The following MYH8 variants were observed in gnomAD, a reference collection of about 807,000 sequenced individuals.
MYH8 encodes myosin heavy chain 8, also known as myosin-8.
In MYH8, 168 loss-of-function variants were observed where a neutral mutation model predicts 233.2. The observed-to-expected ratio is 0.72, with a 90% CI of 0.64 to 0.82. The LOEUF (loss-of-function observed/expected upper bound fraction) is 0.82. Ranked by LOEUF, MYH8 falls within the 40% of genes least tolerant of loss-of-function variation. MYH8 has a pLI of 0.00. For missense variants in MYH8, 1,995 were observed against 2,327.8 expected, an observed-to-expected ratio of 0.86 and a Z score of 2.94; for synonymous variants, 785 against 850.6, an observed-to-expected ratio of 0.92 and a Z score of 1.34.
At chr17:10,394,542 G>A in intron 34 of MYH8, 90 bp from the exon 35 acceptor site, 1 of 1,468,866 alleles carries the variant, frequency 6.8e-7, no homozygotes, top group Non-Finnish European at 9.4e-7. Context: ...CTGGTGACAG[G>A]AACAGAAGAT....
intron 21 of MYH8, among the ~76,000 whole-genome samples, chr17:10,405,299 G>A (rs1436680432): frequency 6.6e-6 from 1 of 152,122 alleles, no homozygotes; most frequent in Non-Finnish European, 1.5e-5. Context: ...GTAATAAAAG[G>A]TACCCCTACT....
intron 10 of MYH8, 39 bp downstream of exon 10, chr17:10,414,343 TAAAA>T: frequency 6.2e-7 from 1 of 1,602,098 alleles, no homozygotes; most frequent in Non-Finnish European, 8.6e-7. Context: ...ACATTGTTAA[TAAAA>T]ATATTAACTT....
chr17:10,396,261 C>G lies in MYH8; in HGVS notation c.4653+69G>C. ...AAGATCCTGTGAGTTTAAATTATCA[C>G]TAGCCCCACTTTTTTTTAACTGATG... On this transcript the variant is annotated intron_variant, in intron 33 of 39. Transcript: ENST00000403437. The surrounding 1 kb of genome is among the most constrained non-coding windows in gnomAD (Gnocchi z 4.2). The G allele has an allele frequency of 6.3e-7, 1 of 1,577,464 alleles. No individual in the cohort carries two copies. Among genetic ancestry groups the G allele is most frequent in the South Asian group, 1.1e-5 (1 of 88,336 alleles).
chr17:10,408,058 A>G (rs1244249216), intron 17 of MYH8, among the ~76,000 whole-genome samples: 8 of 150,890 alleles, frequency 5.3e-5, no homozygotes, highest in African/African-American at 2.0e-4. Context: ...CTTCTGCCTC[A>G]GCCTCCCGAG....
At position 10,398,731 on chromosome 17, in the gene MYH8, G is replaced by T. The variant is rs201153972; in HGVS notation, c.3981+37C>A. ...AGTAGAGCCTAACTGGGCAGGTTTA[G>T]ATTTGGTTAGTCAAAAAAATCCTTG... On this transcript the variant is annotated intron_variant, in intron 29 of 39. Coordinates refer to ENST00000403437, the MANE Select transcript of MYH8 (RefSeq NM_002472.3). 1.6e-4 allele frequency: 265 copies of T among 1,613,742 alleles called. 2 individuals carry two copies. In the East Asian group the frequency reaches 5.8e-3, roughly 35 times the overall value.
At chr17:10,413,608 C>A (rs1369493909) in intron 12 of MYH8, among the ~76,000 whole-genome samples, 1 of 152,128 alleles carries the variant, frequency 6.6e-6, no homozygotes, top group African/African-American at 2.4e-5. Context: ...TCTACATATA[C>A]CCACCTTCGT....
In MYH8 at chr17:10,396,229, C is replaced by G. The variant is rs1297747609; in HGVS notation, c.4653+101G>C. 1.4e-6 allele frequency: 2 copies of G among 1,395,814 alleles called. No homozygotes were observed. Among genetic ancestry groups the G allele is most frequent in the African/African-American group, 1.4e-5 (1 of 70,352 alleles). 86.5% of individuals were successfully genotyped at this position (1,395,814 alleles called of 1,614,324 possible). On this transcript the variant is annotated intron_variant, in intron 33 of 39. Coordinates refer to ENST00000403437, the MANE Select transcript of MYH8 (RefSeq NM_002472.3). The surrounding 1 kb of genome is among the most constrained non-coding windows in gnomAD (Gnocchi z 4.2). ...TTTTGATAACTATTGCCAAGTTGTC[C>G]TTCATAAAGATCCTGTGAGTTTAAA...
Position 10,419,094 on chromosome 17 carries a change from T to A in MYH8, c.211-64A>T. 6.2e-7 allele frequency: 1 copy of A among 1,602,288 alleles called. No homozygotes were observed. On this transcript the variant is annotated intron_variant, in intron 3 of 39. Transcript: ENST00000403437. This position sits in a 1 kb window ranked among gnomAD's most constrained non-coding sequence, Gnocchi z 4.0. ...TTGTTTGAGATAGAGTTTTGCTTTT[T>A]TTGCCCAGGCTGGAGTGCAGTGGCG...
At position 10,406,307 on chromosome 17, in the gene MYH8, A is replaced by G; in HGVS notation, c.2262T>C (p.Ile754=). The G allele has an allele frequency of 6.2e-7, 1 of 1,614,014 alleles. No individual in the cohort carries two copies. Among genetic ancestry groups the G allele is most frequent in the Non-Finnish European group, 8.5e-7 (1 of 1,179,864 alleles). ...ASEKLLASID[I]DHTQYKFGHT... ...GTCCAAATTTATATTGAGTATGATC[A>G]ATATCAATAGATGCAAGAAGTTTCT... is the stretch of plus-strand genomic sequence containing the variant. The change falls in exon 20 of 40, where the codon ATT becomes ATC. Residue 754 remains isoleucine (I), a synonymous_variant. Transcript: ENST00000403437.
chr17:10,392,608 T>C lies in MYH8; in HGVS notation c.5502A>G (p.Lys1834=), dbSNP rs1377891908. Residue 1834 remains lysine, a synonymous_variant, in exon 38 of 40, where the codon AAA becomes AAG. Coordinates refer to ENST00000403437, the MANE Select transcript of MYH8 (RefSeq NM_002472.3). The part of the protein sequence containing the change: ...ELEGEVENEQ[K]RNAEAVKGLR... ...AACCTTTAACAGCCTCTGCATTACG[T>C]TTCTGTTCATTTTCAACCTCTCCTT... 6.2e-7 allele frequency: 1 copy of C among 1,614,090 alleles called. No homozygotes were observed. Among genetic ancestry groups the C allele is most frequent in the Non-Finnish European group, 8.5e-7 (1 of 1,180,010 alleles).
chr17:10,413,872 AT>A, intron 12 of MYH8, 29 bp downstream of exon 12: 1 of 1,613,902 alleles, frequency 6.2e-7, no homozygotes, highest in Non-Finnish European at 8.5e-7. Context: ...ACATTCTCTC[AT>A]TAAACCCAGA....
intron 22 of MYH8, among the ~76,000 whole-genome samples, chr17:10,403,511 T>G (rs113260027): frequency 3.9e-5 from 6 of 152,140 alleles, no homozygotes; most frequent in African/African-American, 1.4e-4. Context: ...TTTTTAATAG[T>G]GATACACTCA....
intron 15 of MYH8, among the ~76,000 whole-genome samples, chr17:10,410,461 C>A (rs2072234382): frequency 1.3e-5 from 2 of 152,080 alleles, no homozygotes; most frequent in Admixed American, 1.3e-4. Context: ...CATCATGGAT[C>A]ATAATGGAGA....
Position 10,417,312 on chromosome 17 carries a change from A to C in MYH8, c.511+1333T>G, listed in dbSNP as rs1026938949. On this transcript the variant is annotated intron_variant, in intron 5 of 39. Transcript: ENST00000403437. This position sits in a 1 kb window ranked among gnomAD's most constrained non-coding sequence, Gnocchi z 4.1. ...TCAGGGAAAATAGATATAAATCTGG[A>C]TGTTATTTAGATGTAGATATAGACA... 6.6e-6 allele frequency among the ~76,000 whole-genome samples: 1 copy of C among 152,232 alleles called. No individual in the cohort carries two copies.
At chr17:10,409,064 G>A in intron 17 of MYH8, 33 bp downstream of exon 17, 1 of 1,579,944 alleles carries the variant, frequency 6.3e-7, no homozygotes, top group Non-Finnish European at 8.7e-7. Flanking sequence ...CATAGAAACT[G>A]AGTAGATATT....
In MYH8 at chr17:10,419,456, A is replaced by G. The variant is rs1363103133; in HGVS notation, c.211-426T>C. Among the ~76,000 whole-genome samples, 3 of 152,260 alleles carry G rather than the reference A, an allele frequency of 2.0e-5. No individual in the cohort carries two copies. The highest frequency in any genetic ancestry group is 6.5e-5 in the Admixed American group (1 of 15,288). On this transcript the variant is annotated intron_variant, in intron 3 of 39. Transcript: ENST00000403437. The surrounding 1 kb of genome is among the most constrained non-coding windows in gnomAD (Gnocchi z 4.0). ...CACATACTTCTCATTATATTATTTA[A>G]TGTCCTCTTAAAAAAGGCATGAAAT...
chr17:10,398,840 C>G lies in MYH8; in HGVS notation c.3909G>C (p.Gln1303His), dbSNP rs373767969. 74 of 1,613,622 alleles carry G rather than the reference C, an allele frequency of 4.6e-5. No individual in the cohort carries two copies. Among genetic ancestry groups the G allele is most frequent in the Non-Finnish European group, 5.8e-5 (68 of 1,180,002 alleles). The change falls in exon 29 of 40, where the codon CAG becomes CAC. Residue 1303 changes from glutamine (Q) to histidine (H), a missense_variant. Around this residue, in one of 3 missense-constraint regions of MYH8, gnomAD observed 1,498 missense variants for 1,680.9 expected, o/e 0.89. Coordinates refer to ENST00000403437, the MANE Select transcript of MYH8 (RefSeq NM_002472.3). ...TAGATGCTTGCTTGCTCCTTGAAAG[C>G]TGAGAGACTAAAGCATCTTTCTCAT... ...QLDEKDALVS[Q>H]LSRSKQASTQ...
chr17:10,399,650 C>T lies in MYH8; in HGVS notation c.3755G>A (p.Cys1252Tyr). 6.2e-7 allele frequency: 1 copy of T among 1,614,020 alleles called. No homozygotes were observed. The highest frequency in any genetic ancestry group is 8.5e-7 in the Non-Finnish European group (1 of 1,179,986). Residue 1252 changes from cysteine (C) to tyrosine (Y), a missense_variant, in exon 28 of 40, where the codon TGC (cysteine) becomes TAC (tyrosine). By Grantham distance (194) the Cys-to-Tyr change is radical. Coordinates refer to ENST00000403437, the MANE Select transcript of MYH8 (RefSeq NM_002472.3). Reference sequence around the variant, plus strand: ...ACTCACTTGATCTTCTAGAGAGCGGCACATCTTTTCAAGGTTTCCCTACAG... The same window carrying T: ...ACTCACTTGATCTTCTAGAGAGCGGTACATCTTTTCAAGGTTTCCCTACAG... The part of the protein sequence containing the change: ...SKAKGNLEKM[C>Y]RSLEDQVSEL...
At position 10,395,438 on chromosome 17, in the gene MYH8, A is replaced by G; in HGVS notation, c.4657T>C (p.Ser1553Pro). 2 of 1,613,976 alleles carry G rather than the reference A, an allele frequency of 1.2e-6. No homozygotes were observed. Among genetic ancestry groups the G allele is most frequent in the East Asian group, 4.5e-5 (2 of 44,884 alleles). ...IQAALEEAEA[S>P]LEHEEGKILR... is the part of the protein sequence containing the mutation. ...ATCTTTCCTTCTTCATGTTCAAGAG[A>G]TGCCTTAACAAAACAGTGATCAATT... The change falls in exon 34 of 40, where the codon TCT becomes CCT. Residue 1553 changes from serine to proline, a missense_variant. By Grantham distance (74) the Ser-to-Pro change is moderately conservative (BLOSUM62 -1). Around this residue, in one of 3 missense-constraint regions of MYH8, gnomAD observed 1,498 missense variants for 1,680.9 expected, o/e 0.89. Transcript: ENST00000403437.
Sources: allele counts gnomAD v4.1 joint callset (sites outside exome capture counted in the v4.1 genomes callset), GRCh38; gene constraint gnomAD v4.1.1; regional missense constraint gnomAD v4.1.1; non-coding constraint Gnocchi (gnomAD v3.1); transcripts MANE v1.5; gene names NCBI Gene and HGNC (gene_info 2026-07-23, HGNC 2026-07-21).